Variants in CEP83 observed in about 807,000 individuals in gnomAD.
CEP83 encodes centrosomal protein of 83 kDa.
A neutral mutation model predicts 101.9 loss-of-function variants in CEP83; 70 were observed. The observed-to-expected ratio is 0.69, with a 90% CI of 0.57 to 0.84. The LOEUF (loss-of-function observed/expected upper bound fraction) is 0.84. Among genes scored for constraint, CEP83 ranks in the 40% least tolerant of loss-of-function variants. CEP83 has a pLI of 0.00. For synonymous variants in CEP83, 264 were observed against 267.9 expected, an observed-to-expected ratio of 0.99 and a Z score of 0.14; for missense variants, 715 against 787.2, an observed-to-expected ratio of 0.91 and a Z score of 1.10.
At chr12:94,340,294 A>G (rs959935715) in intron 11 of CEP83, among the ~76,000 whole-genome samples, 2 of 152,124 alleles carry the variant, frequency 1.3e-5, no homozygotes, top group African/African-American at 4.8e-5. Context: ...ATCAAACTGC[A>G]TATCATTTAC....
At chr12:94,297,360 A>T in the CEP83 span, 4 of 1,613,912 alleles carry the variant, frequency 2.5e-6, no homozygotes, top group African/African-American at 4.0e-5. Context: ...AAGGAAAGAG[A>T]CATCGAGGGA....
At chr12:94,355,706 G>GT (rs1565974990) in intron 11 of CEP83, among the ~76,000 whole-genome samples, 1 of 152,198 alleles carries the variant, frequency 6.6e-6, no homozygotes, top group Non-Finnish European at 1.5e-5. Context: ...AAGGTTGTGG[G>GT]TTTACAGGAA....
the CEP83 span, chr12:94,277,954 C>A: frequency 2.2e-6 from 1 of 456,034 alleles, no homozygotes; most frequent in Non-Finnish European, 4.4e-6. Context: ...TTTCATCTCT[C>A]CCCTGAGCCC....
At chr12:94,373,268 T>C (rs559179803) in intron 8 of CEP83, among the ~76,000 whole-genome samples, 1 of 152,320 alleles carries the variant, frequency 6.6e-6, no homozygotes, top group East Asian at 1.9e-4. Context: ...TGTTGTGAAT[T>C]TGCTTTATGT....
At position 94,412,557 on chromosome 12, in the gene CEP83, T is replaced by C. The variant is rs2063953899; in HGVS notation, c.-67A>G. The C allele has an allele frequency of 2.1e-6, 3 of 1,458,560 alleles. No homozygotes were observed. The highest frequency in any genetic ancestry group is 1.9e-6 in the Non-Finnish European group (2 of 1,060,714). The allele number at this position is 1,458,560 out of a possible 1,614,324, so 90.4% of individuals were successfully genotyped here. A position where few individuals can be genotyped will look rare whatever the true frequency, so the allele number is the denominator to read the frequency against. ...TCCAAGGGTATTTCCCACTCCTTTC[T>C]TGCTAAGGCAGAATCTCAGGAAGCC... On this transcript the variant is annotated 5_prime_UTR_variant, in exon 3 of 17. Transcript: ENST00000397809.
At chr12:94,347,066 T>TATATATATATAC (rs2059968996) in intron 11 of CEP83, among the ~76,000 whole-genome samples, 2 of 145,170 alleles carry the variant, frequency 1.4e-5, no homozygotes, top group Admixed American at 1.4e-4. Context: ...TATATATATA[T>TATATATATATAC]ATACACATAC....
chr12:94,352,503 G>A (rs1188652634), intron 11 of CEP83, among the ~76,000 whole-genome samples: 6 of 150,522 alleles, frequency 4.0e-5, no homozygotes, highest in South Asian at 2.1e-4. Context: ...AGACCCTAAC[G>A]AAAAAGAAAT....
intron 5 of CEP83, 24 bp downstream of exon 5, chr12:94,403,146 T>G: frequency 8.7e-7 from 1 of 1,151,480 alleles, no homozygotes; most frequent in South Asian, 1.2e-5. Flanking sequence ...GATAAATGCA[T>G]AGTAAACAAC....
At chr12:94,435,139 T>C (rs1381571988) in intron 2 of CEP83, 136 bp downstream of exon 2, 3 of 152,234 alleles carry the variant, frequency 2.0e-5, no homozygotes, top group African/African-American at 7.2e-5. Flanking sequence ...TCCTAACCTC[T>C]CTCTGCTTAT....
the CEP83 span, chr12:94,282,422 C>T: frequency 8.1e-6 from 12 of 1,473,186 alleles, no homozygotes; most frequent in African/African-American, 5.5e-5. Flanking sequence ...GACTTGACCC[C>T]GTGTCTCCTT....
intron 11 of CEP83, among the ~76,000 whole-genome samples, chr12:94,347,196 AAC>A: frequency 6.6e-6 from 1 of 152,128 alleles, no homozygotes; most frequent in Non-Finnish European, 1.5e-5. Context: ...TTTTATGCGT[AAC>A]ACATAAATAA....
chr12:94,442,633 T>C (rs2066496344), intron 1 of CEP83, among the ~76,000 whole-genome samples: 1 of 152,228 alleles, frequency 6.6e-6, no homozygotes, highest in Non-Finnish European at 1.5e-5. Context: ...TATGCTTTCC[T>C]CTTGATAATC....
rs79715838 is a variant in CEP83, at chr12:94,459,231, T to G, written c.-155+326A>C. ...TGCTAACATATTTTAGGTGTTTATC[T>G]CAGTAATGACAGTCGACATCACTGT... On this transcript the variant is annotated intron_variant, in intron 1 of 16. Coordinates refer to ENST00000397809, the MANE Select transcript of CEP83 (RefSeq NM_016122.3). 3.4e-4 allele frequency among the ~76,000 whole-genome samples: 52 copies of G among 152,338 alleles called. No homozygotes were observed. The East Asian group carries it at 8.3e-3, about 24-fold the overall frequency.
the CEP83 span, among the ~76,000 whole-genome samples, chr12:94,297,010 G>A: frequency 6.6e-6 from 1 of 152,102 alleles, no homozygotes; most frequent in African/African-American, 2.4e-5. Flanking sequence ...CCATCTTCAC[G>A]CTGTTCTTAA....
At chr12:94,455,867 G>A (rs1159082837) in intron 1 of CEP83, among the ~76,000 whole-genome samples, 1 of 151,940 alleles carries the variant, frequency 6.6e-6, no homozygotes, top group Admixed American at 6.5e-5. Flanking sequence ...CCAATGTGGT[G>A]AAACCCTGTC....
At chr12:94,335,458 C>T in intron 12 of CEP83, 131 bp downstream of exon 12, 1 of 626,082 alleles carries the variant, frequency 1.6e-6, no homozygotes, top group Non-Finnish European at 2.8e-6. Context: ...TACATATCAC[C>T]TCCAACAATA....
chr12:94,390,224 A>T (rs1437063444), intron 6 of CEP83, among the ~76,000 whole-genome samples: 10 of 152,174 alleles, frequency 6.6e-5, no homozygotes, highest in South Asian at 2.1e-4. Flanking sequence ...AGGGGCCAAC[A>T]GACACCTCAC....
intron 6 of CEP83, among the ~76,000 whole-genome samples, chr12:94,388,790 T>G (rs1052392197): frequency 6.6e-6 from 1 of 152,156 alleles, no homozygotes; most frequent in African/African-American, 2.4e-5. Context: ...AAAACAAACA[T>G]GTAAAAAGCT....
intron 11 of CEP83, among the ~76,000 whole-genome samples, chr12:94,353,117 A>G (rs1398871339): frequency 1.3e-5 from 2 of 152,226 alleles, no homozygotes; most frequent in African/African-American, 4.8e-5. Context: ...CAAGTCATAT[A>G]TAAGAAAATC....
Sources: gnomAD v4.1 joint callset for allele counts (sites outside exome capture counted in the v4.1 genomes callset) on GRCh38, gnomAD v4.1.1 for gene constraint, MANE v1.5 for transcripts, NCBI Gene and HGNC (gene_info 2026-07-23, HGNC 2026-07-21) for gene names.